ZNF804B: variants seen among roughly 807,000 people sequenced by gnomAD.
The protein encoded by ZNF804B is zinc finger protein 804B, also known as zinc finger 804B.
In ZNF804B, 80 loss-of-function variants were observed where a neutral mutation model predicts 101.4. That is an observed-to-expected ratio of 0.79 (90% confidence interval 0.66 to 0.95). The LOEUF (loss-of-function observed/expected upper bound fraction) is 0.95, where lower values mean the gene tolerates loss of function less well. Ranked by LOEUF, ZNF804B falls within the 40% of genes least tolerant of loss-of-function variation. The pLI is 0.00. For synonymous variants in ZNF804B, 622 were observed against 558.8 expected (o/e 1.11, Z -1.59); for missense variants, 1,673 against 1,561.9 (o/e 1.07, Z -1.20).
intron 2 of ZNF804B, among the ~76,000 whole-genome samples, chr7:89,228,696 C>G (rs1342292286): frequency 1.3e-5 from 2 of 152,250 alleles, no homozygotes; most frequent in African/African-American, 4.8e-5. Context: ...AGGAGCCCAG[C>G]TGGCTTCACC....
chr7:89,223,152 G>A lies in ZNF804B; in HGVS notation c.249+4857G>A, dbSNP rs115073914. On this transcript the variant is annotated intron_variant, in intron 2 of 3. Transcript: ENST00000333190. ...TTGGCTATTTTTTGGCCTGAGTAAC[G>A]TGAACAGTTGCCATAATTTTACTTT... Among the ~76,000 whole-genome samples the A allele has an allele frequency of 5.3e-3, 801 of 151,850 alleles. 7 individuals are homozygous for A. The highest frequency in any genetic ancestry group is 0.019 in the African/African-American group (772 of 41,472).
At chr7:88,845,684 A>G (rs1207072533) in intron 1 of ZNF804B, among the ~76,000 whole-genome samples, 1 of 151,826 alleles carries the variant, frequency 6.6e-6, no homozygotes, top group Non-Finnish European at 1.5e-5. Context: ...GAAAATCTTA[A>G]TTATCCTTCA....
chr7:88,948,600 C>G (rs929947582), intron 1 of ZNF804B, among the ~76,000 whole-genome samples: 1 of 151,854 alleles, frequency 6.6e-6, no homozygotes, highest in Non-Finnish European at 1.5e-5. Flanking sequence ...ATGCCACCAG[C>G]CTGCTCCTGC....
At chr7:88,965,083 CTTAAATA>C (rs1458842085) in intron 1 of ZNF804B, among the ~76,000 whole-genome samples, 2 of 151,340 alleles carry the variant, frequency 1.3e-5, no homozygotes, top group African/African-American at 4.8e-5. Context: ...CATTTGAACT[CTTAAATA>C]TTAAAGGGTA....
chr7:88,806,537 G>C (rs1437037804), intron 1 of ZNF804B, among the ~76,000 whole-genome samples: 1 of 151,612 alleles, frequency 6.6e-6, no homozygotes, highest in Non-Finnish European at 1.5e-5. Flanking sequence ...TTGTTATATG[G>C]GTTAAATCTC....
intron 2 of ZNF804B, among the ~76,000 whole-genome samples, chr7:89,254,893 A>C (rs1025517960): frequency 2.6e-5 from 4 of 151,864 alleles, no homozygotes; most frequent in Non-Finnish European, 5.9e-5. Context: ...CAATCCACCC[A>C]CCTTGGCCTC....
chr7:89,184,490 TG>T (rs34841458), intron 1 of ZNF804B, among the ~76,000 whole-genome samples: 26,565 of 152,188 alleles, frequency 0.17, 2,403 homozygotes, highest in Middle Eastern at 0.29. Flanking sequence ...TAACTTTAAA[TG>T]TCAGTTCTTT....
At chr7:88,931,040 C>T (rs1466319500) in intron 1 of ZNF804B, among the ~76,000 whole-genome samples, 3 of 151,870 alleles carry the variant, frequency 2.0e-5, no homozygotes, top group African/African-American at 7.2e-5. Context: ...AGTTTCTGCA[C>T]ACCTGTCTAC....
chr7:89,168,709 C>G (rs62461941), intron 1 of ZNF804B, among the ~76,000 whole-genome samples: 3 of 133,268 alleles, frequency 2.3e-5, no homozygotes, highest in Admixed American at 8.2e-5. Context: ...TTTTTTTGCA[C>G]GGGCCTGCTC....
chr7:88,946,906 C>T (rs752979672), intron 1 of ZNF804B, among the ~76,000 whole-genome samples: 20 of 151,176 alleles, frequency 1.3e-4, no homozygotes, highest in South Asian at 2.1e-4. Flanking sequence ...AATAAACATA[C>T]GAAAAAAAAG....
chr7:88,772,554 T>A (rs957160164), intron 1 of ZNF804B, among the ~76,000 whole-genome samples: 2 of 152,158 alleles, frequency 1.3e-5, no homozygotes, highest in Non-Finnish European at 2.9e-5. Flanking sequence ...AGTCTGAAGG[T>A]CTTAGAAGTA....
chr7:88,981,631 A>C (rs1313413058), intron 1 of ZNF804B, among the ~76,000 whole-genome samples: 1 of 152,026 alleles, frequency 6.6e-6, no homozygotes, highest in African/African-American at 2.4e-5. Context: ...TTTAGCCCAC[A>C]GTGGTGGGAC....
At chr7:89,125,883 A>G (rs746763433) in intron 1 of ZNF804B, among the ~76,000 whole-genome samples, 4 of 152,094 alleles carry the variant, frequency 2.6e-5, no homozygotes, top group East Asian at 1.9e-4. Flanking sequence ...TGCCAGATAT[A>G]TATTTTAATG....
intron 1 of ZNF804B, among the ~76,000 whole-genome samples, chr7:89,108,740 G>T (rs1790171736): frequency 6.6e-6 from 1 of 152,044 alleles, no homozygotes; most frequent in Admixed American, 6.6e-5. Flanking sequence ...AGGGAACAAA[G>T]AAGAAATAAG....
intron 1 of ZNF804B, among the ~76,000 whole-genome samples, chr7:88,836,528 TATC>T (rs1193073547): frequency 2.6e-5 from 4 of 151,944 alleles, no homozygotes; most frequent in African/African-American, 9.7e-5. Flanking sequence ...GTAAAATTAT[TATC>T]ATTCTAGGAA....
intron 1 of ZNF804B, among the ~76,000 whole-genome samples, chr7:89,164,605 C>T (rs1791114066): frequency 6.6e-6 from 1 of 152,118 alleles, no homozygotes; most frequent in Non-Finnish European, 1.5e-5. Flanking sequence ...ATGTTACTTA[C>T]TGATAACACT....
chr7:89,299,067 A>G (rs934269529), intron 2 of ZNF804B, among the ~76,000 whole-genome samples: 3 of 152,056 alleles, frequency 2.0e-5, no homozygotes, highest in African/African-American at 7.2e-5. Flanking sequence ...CTCAACTTTC[A>G]TAATAGATAT....
At chr7:88,833,583 G>A (rs1303921186) in intron 1 of ZNF804B, among the ~76,000 whole-genome samples, 2 of 151,856 alleles carry the variant, frequency 1.3e-5, no homozygotes, top group Non-Finnish European at 2.9e-5. Flanking sequence ...AAAGAGACTG[G>A]TTCTAGAAGA....
intron 2 of ZNF804B, among the ~76,000 whole-genome samples, chr7:89,305,321 T>C (rs2115930921): frequency 6.6e-6 from 1 of 152,110 alleles, no homozygotes; most frequent in Non-Finnish European, 1.5e-5. Context: ...TATGATTTTC[T>C]TTTGGCAAAA....
Sources: allele counts gnomAD v4.1 joint callset (sites outside exome capture counted in the v4.1 genomes callset), GRCh38; gene constraint gnomAD v4.1.1; transcripts MANE v1.5; gene names NCBI Gene and HGNC (gene_info 2026-07-23, HGNC 2026-07-21).